Variants in NLGN1 observed in about 807,000 individuals in gnomAD.
NLGN1 encodes the protein neuroligin 1, also known as neuroligin-1.
A neutral mutation model predicts 65.5 loss-of-function variants in NLGN1; 12 were observed. That is an observed-to-expected ratio of 0.18 (90% CI 0.12 to 0.30). The LOEUF (loss-of-function observed/expected upper bound fraction) is 0.30. Among genes scored for constraint, NLGN1 ranks in the 10% least tolerant of loss-of-function variants. The pLI, the probability that NLGN1 is intolerant of heterozygous loss-of-function variation, is 1.00. For missense variants in NLGN1, 750 were observed against 1,007.1 expected, an observed-to-expected ratio of 0.74 and a Z score of 3.46; for synonymous variants, 350 against 359.5, an observed-to-expected ratio of 0.97 and a Z score of 0.30.
At position 173,948,366 on chromosome 3, in the gene NLGN1, T is replaced by G. The variant is rs142916379; in HGVS notation, c.646+140534T>G. Among the ~76,000 whole-genome samples the G allele has an allele frequency of 1.0e-3, 153 of 152,322 alleles. 2 individuals are homozygous for G. In the East Asian group the frequency reaches 0.025, roughly 25 times the overall value. Reference sequence around the variant, plus strand: ...GATTTTATCATTACGGCAGAGACAATGCCAGATTATCCAACATGTGTTTTG... The same window carrying G: ...GATTTTATCATTACGGCAGAGACAAGGCCAGATTATCCAACATGTGTTTTG... On this transcript the variant is annotated intron_variant, in intron 4 of 6. Coordinates refer to ENST00000457714, the Ensembl canonical transcript of NLGN1.
chr3:173,597,916 T>G lies in NLGN1; in HGVS notation c.-320-6363T>G, dbSNP rs544674063. On this transcript the variant is annotated intron_variant, in intron 2 of 6. Transcript: ENST00000457714. ...TTAATTCAGACTTCAAGTTATCTTC[T>G]TGAGGTTTTCAAACATTTTTTTCTG... Among the ~76,000 whole-genome samples, 9 of 152,272 alleles carry G rather than the reference T, an allele frequency of 5.9e-5. No individual in the cohort carries two copies. The East Asian group carries it at 1.5e-3, about 26-fold the overall frequency.
intron 4 of NLGN1, among the ~76,000 whole-genome samples, chr3:174,016,471 A>G (rs1726575651): frequency 6.6e-6 from 1 of 152,178 alleles, no homozygotes; most frequent in Admixed American, 6.6e-5. Flanking sequence ...ACCACAGGAC[A>G]CTGAGTGCAC....
At chr3:173,401,902 T>G (rs919103300) in intron 1 of NLGN1, among the ~76,000 whole-genome samples, 2 of 152,204 alleles carry the variant, frequency 1.3e-5, no homozygotes. Flanking sequence ...TTTTTCCTTT[T>G]GATGATATTT....
chr3:173,417,984 A>C (rs1328137927), intron 1 of NLGN1, among the ~76,000 whole-genome samples: 1 of 151,738 alleles, frequency 6.6e-6, no homozygotes, highest in Non-Finnish European at 1.5e-5. Context: ...GGAAGAAAAA[A>C]ACAGAATTCT....
intron 4 of NLGN1, among the ~76,000 whole-genome samples, chr3:173,857,875 G>A (rs1440556730): frequency 7.1e-6 from 1 of 140,904 alleles, no homozygotes; most frequent in East Asian, 2.1e-4. Flanking sequence ...TCTCTTCGTA[G>A]GAAGAGAACT....
rs201523593 is a variant in NLGN1, at chr3:174,080,756, G to GT, written c.647-194548dup. 8.1e-3 allele frequency among the ~76,000 whole-genome samples: 1,180 copies of GT among 145,166 alleles called. 19 individuals carry two copies. The highest frequency in any genetic ancestry group is 0.081 in the East Asian group (401 of 4,980). On this transcript the variant is annotated intron_variant, in intron 4 of 6. Coordinates refer to ENST00000457714, the Ensembl canonical transcript of NLGN1. ...GGAGGCTGCTGATCATCAGTTTCAG[G>GT]TTTTTTTTTTTGGTTGTTTATTTGT...
intron 4 of NLGN1, among the ~76,000 whole-genome samples, chr3:174,259,252 G>A (rs2152855346): frequency 6.6e-6 from 1 of 151,852 alleles, no homozygotes; most frequent in Middle Eastern, 3.4e-3. Context: ...TCTGTCTCAG[G>A]GATCAGCTAG....
At chr3:174,083,951 T>G (rs1039153193) in intron 4 of NLGN1, among the ~76,000 whole-genome samples, 1 of 152,218 alleles carries the variant, frequency 6.6e-6, no homozygotes, top group Non-Finnish European at 1.5e-5. Flanking sequence ...CTGTTCATTC[T>G]GTAGAGGGAT....
intron 3 of NLGN1, among the ~76,000 whole-genome samples, chr3:173,709,938 T>G (rs185843664): frequency 6.6e-6 from 1 of 152,202 alleles, no homozygotes; most frequent in Admixed American, 6.5e-5. Context: ...TTGTAATATT[T>G]GTTAAATTAA....
At chr3:173,411,667 G>T (rs1320002417) in intron 1 of NLGN1, among the ~76,000 whole-genome samples, 1 of 152,024 alleles carries the variant, frequency 6.6e-6, no homozygotes, top group East Asian at 1.9e-4. Flanking sequence ...AAAAGGCCAC[G>T]GAAGATATTA....
intron 4 of NLGN1, among the ~76,000 whole-genome samples, chr3:174,091,215 G>A (rs567469598): frequency 1.8e-4 from 27 of 152,228 alleles, no homozygotes; most frequent in Non-Finnish European, 2.5e-4. Flanking sequence ...TTCAACATTG[G>A]TCATCTCCAG....
chr3:173,518,880 A>G (rs1734295602), intron 2 of NLGN1, among the ~76,000 whole-genome samples: 1 of 152,158 alleles, frequency 6.6e-6, no homozygotes, highest in Non-Finnish European at 1.5e-5. Flanking sequence ...ACAATGGGGG[A>G]AAGGCCTCGA....
At position 173,463,537 on chromosome 3, in the gene NLGN1, T is replaced by C. The variant is rs1723756242; in HGVS notation, c.-321+28459T>C. 2.0e-5 allele frequency among the ~76,000 whole-genome samples: 3 copies of C among 152,198 alleles called. No individual in the cohort carries two copies. In the South Asian group the frequency reaches 6.2e-4, roughly 32 times the overall value. On this transcript the variant is annotated intron_variant, in intron 2 of 6. Coordinates refer to ENST00000457714, the Ensembl canonical transcript of NLGN1. The stretch of plus-strand genomic sequence containing the variant: ...CTGCCAATTATCATTCATTTATTAA[T>C]ACTGTTATTGTCATTATCATCATCG...
intron 3 of NLGN1, among the ~76,000 whole-genome samples, chr3:173,757,008 G>A (rs1411642036): frequency 6.6e-6 from 1 of 151,854 alleles, no homozygotes; most frequent in Admixed American, 6.6e-5. Flanking sequence ...GTGGCAACTA[G>A]GACACTGACT....
chr3:173,444,821 T>C (rs1719882397), intron 2 of NLGN1, among the ~76,000 whole-genome samples: 1 of 152,068 alleles, frequency 6.6e-6, no homozygotes, highest in African/African-American at 2.4e-5. Context: ...GATACTGCAG[T>C]ATATAGTTGT....
intron 4 of NLGN1, among the ~76,000 whole-genome samples, chr3:174,135,202 GA>G (rs1459369711): frequency 6.6e-6 from 1 of 152,106 alleles, no homozygotes; most frequent in Non-Finnish European, 1.5e-5. Flanking sequence ...GTATTTCTCA[GA>G]ATCTTTATTT....
At chr3:173,808,179 G>A (rs1257476067) in intron 4 of NLGN1, among the ~76,000 whole-genome samples, 9 of 152,028 alleles carry the variant, frequency 5.9e-5, no homozygotes, top group South Asian at 2.1e-4. Context: ...GAGGTTTGGC[G>A]TGAGCTAAGA....
At chr3:173,870,262 T>C (rs746378727) in intron 4 of NLGN1, among the ~76,000 whole-genome samples, 1 of 152,230 alleles carries the variant, frequency 6.6e-6, no homozygotes, top group African/African-American at 2.4e-5. Context: ...CATTTACATA[T>C]ATTTCCTCTT....
chr3:173,885,898 A>AGT (rs1734247553), intron 4 of NLGN1, among the ~76,000 whole-genome samples: 1 of 152,152 alleles, frequency 6.6e-6, no homozygotes, highest in African/African-American at 2.4e-5. Context: ...AAAGACATGA[A>AGT]GTGATCATTA....
Sources: allele counts gnomAD v4.1 joint callset (sites outside exome capture counted in the v4.1 genomes callset), GRCh38; gene constraint gnomAD v4.1.1; transcripts MANE v1.5; gene names NCBI Gene and HGNC (gene_info 2026-07-23, HGNC 2026-07-21).